The following FAM210A variants were observed in gnomAD, a reference collection of about 807,000 sequenced individuals.
The protein encoded by FAM210A is mitochondrial inner membrane scaffold 1.
Under a neutral mutation model 25.3 loss-of-function variants are expected in FAM210A, and 13 were observed. That is an observed-to-expected ratio of 0.51 (90% CI 0.33 to 0.82). The LOEUF is 0.82. Among genes scored for constraint, FAM210A ranks in the 40% least tolerant of loss-of-function variants. The probability of loss-of-function intolerance (pLI) is 0.02; values close to 1 mark genes in which losing one functional copy is unlikely to be tolerated. For missense variants in FAM210A, 319 were observed against 323.2 expected (o/e 0.99, Z 0.10); for synonymous variants, 125 against 118.7 (o/e 1.05, Z -0.35).
At chr18:13,715,683 C>A (rs2043856314) in intron 1 of FAM210A, among the ~76,000 whole-genome samples, 1 of 152,130 alleles carries the variant, frequency 6.6e-6, no homozygotes, top group African/African-American at 2.4e-5. Context: ...TATTACACAA[C>A]AAAAAATAAT....
intron 2 of FAM210A, among the ~76,000 whole-genome samples, chr18:13,677,391 C>T (rs1268102746): frequency 6.6e-6 from 1 of 152,166 alleles, no homozygotes; most frequent in East Asian, 1.9e-4. Flanking sequence ...CGCTTAAGGG[C>T]TTACAACTCT....
At chr18:13,680,224 T>C (rs990137915) in intron 2 of FAM210A, among the ~76,000 whole-genome samples, 7 of 152,234 alleles carry the variant, frequency 4.6e-5, no homozygotes, top group Non-Finnish European at 8.8e-5. Flanking sequence ...TAACTTTTGA[T>C]CAAAATGGTA....
intron 1 of FAM210A, among the ~76,000 whole-genome samples, chr18:13,687,079 T>G (rs2043604356): frequency 6.6e-6 from 1 of 152,250 alleles, no homozygotes; most frequent in South Asian, 2.1e-4. Context: ...CAGTGGGATT[T>G]AATCCAGATA....
In FAM210A at chr18:13,666,239, T is replaced by A. The variant is rs1450887631; in HGVS notation, c.*241A>T. 4.4e-6 allele frequency: 2 copies of A among 458,770 alleles called. No homozygotes were observed. The highest frequency in any genetic ancestry group is 3.7e-5 in the Admixed American group (1 of 27,156). 28.4% of individuals were successfully genotyped at this position (458,770 alleles called of 1,614,324 possible). A position where few individuals can be genotyped will look rare whatever the true frequency, so the allele number is the denominator to read the frequency against. ...AAAAGAAGTCTGACTTCTAAGACATTAACCACTGCTTAATACTGCTACTGA... is the reference window on the plus strand; with the variant it reads ...AAAAGAAGTCTGACTTCTAAGACATAAACCACTGCTTAATACTGCTACTGA... On this transcript the variant is annotated 3_prime_UTR_variant, in exon 4 of 4. Transcript: ENST00000651643.
chr18:13,682,116 A>C lies in FAM210A; in HGVS notation c.-28-11T>G. On this transcript the variant is annotated splice_polypyrimidine_tract_variant and intron_variant, in intron 1 of 3. Coordinates refer to ENST00000651643, the MANE Select transcript of FAM210A (RefSeq NM_152352.4). ...GATAGGTTTCAGCTTCTACAAAGAC[A>C]ATTTTTCAAAAAAATTAGGTAATAC... is the stretch of plus-strand genomic sequence containing the variant. The C allele has an allele frequency of 6.6e-7, 1 of 1,507,242 alleles. No individual in the cohort carries two copies. The highest frequency in any genetic ancestry group is 1.4e-5 in the African/African-American group (1 of 71,508). The allele number at this position is 1,507,242 out of a possible 1,614,324, so 93.4% of individuals were successfully genotyped here.
intron 1 of FAM210A, among the ~76,000 whole-genome samples, chr18:13,686,511 A>T (rs1424069017): frequency 6.6e-6 from 1 of 152,120 alleles, no homozygotes; most frequent in African/African-American, 2.4e-5. Flanking sequence ...AAATCCACTT[A>T]CTTATAACTG....
intron 2 of FAM210A, among the ~76,000 whole-genome samples, chr18:13,676,963 C>T (rs1186608177): frequency 1.3e-5 from 2 of 152,146 alleles, no homozygotes; most frequent in Non-Finnish European, 2.9e-5. Flanking sequence ...GACAAAACCC[C>T]GCAGACACTG....
intron 1 of FAM210A, among the ~76,000 whole-genome samples, chr18:13,706,470 A>G (rs1044265303): frequency 2.0e-5 from 3 of 152,338 alleles, no homozygotes; most frequent in African/African-American, 7.2e-5. Context: ...CGAAGCCCCA[A>G]TGTAGGTAAG....
chr18:13,700,437 C>A (rs2149064911), intron 1 of FAM210A, among the ~76,000 whole-genome samples: 1 of 152,292 alleles, frequency 6.6e-6, no homozygotes, highest in East Asian at 1.9e-4. Flanking sequence ...GACCTTTTAA[C>A]CTAAGAATTG....
intron 1 of FAM210A, among the ~76,000 whole-genome samples, chr18:13,691,785 C>A (rs2043646731): frequency 8.3e-6 from 1 of 120,388 alleles, no homozygotes; most frequent in African/African-American, 3.2e-5. Context: ...CCAGTACCAG[C>A]CACTGCAAAA....
chr18:13,671,820 C>T (rs367724036), intron 3 of FAM210A, 42 bp downstream of exon 3: 3 of 1,292,312 alleles, frequency 2.3e-6, no homozygotes, highest in Non-Finnish European at 2.2e-6. Flanking sequence ...CAGGTCACCA[C>T]CAGTGAGTTC....
At chr18:13,676,292 T>C (rs370311193) in intron 2 of FAM210A, among the ~76,000 whole-genome samples, 1 of 141,880 alleles carries the variant, frequency 7.0e-6, no homozygotes, top group Non-Finnish European at 1.6e-5. Context: ...ATTATTAACA[T>C]TCCTGAGCCC....
Position 13,667,448 on chromosome 18 carries a change from G to C in FAM210A, c.586-735C>G, listed in dbSNP as rs2043409313. Among the ~76,000 whole-genome samples the C allele has an allele frequency of 1.3e-5, 2 of 152,230 alleles. 1 individual carries two copies. The highest frequency in any genetic ancestry group is 4.1e-4 in the South Asian group (2 of 4,832). ...TAAGTCAAAAATCAGGTTGGGTGCAGTGGCTCATGCCTGTAATCCCAGCAC... is the reference window on the plus strand; with the variant it reads ...TAAGTCAAAAATCAGGTTGGGTGCACTGGCTCATGCCTGTAATCCCAGCAC... On this transcript the variant is annotated intron_variant, in intron 3 of 3. Coordinates refer to ENST00000651643, the MANE Select transcript of FAM210A (RefSeq NM_152352.4).
intron 1 of FAM210A, among the ~76,000 whole-genome samples, chr18:13,705,261 T>C (rs1171958075): frequency 6.6e-6 from 1 of 152,196 alleles, no homozygotes; most frequent in Non-Finnish European, 1.5e-5. Context: ...CAGTGCTATG[T>C]ACCTAATTTG....
rs1174110361 is a variant in FAM210A at position 13,665,390 on chromosome 18, A to G, written c.*1090T>C. On this transcript the variant is annotated 3_prime_UTR_variant, in exon 4 of 4. Coordinates refer to ENST00000651643, the MANE Select transcript of FAM210A (RefSeq NM_152352.4). ...GAGGGAGGCTCCGTCTCAAAAAAAA[A>G]AAAAAAAAAAAAAAAAATCAAGTAG... 2 of 150,128 alleles carry G rather than the reference A, an allele frequency of 1.3e-5. No individual in the cohort carries two copies. The highest frequency in any genetic ancestry group is 3.0e-5 in the Non-Finnish European group (2 of 67,362). The allele number at this position is 150,128 out of a possible 1,614,324, so 9.3% of individuals were successfully genotyped here. A position where few individuals can be genotyped will look rare whatever the true frequency, so the allele number is the denominator to read the frequency against.
intron 1 of FAM210A, among the ~76,000 whole-genome samples, chr18:13,712,100 C>T (rs1319997410): frequency 1.3e-5 from 2 of 152,130 alleles, no homozygotes; most frequent in East Asian, 3.8e-4. Context: ...CAAAAGAGAT[C>T]TTAGGTTTCT....
At chr18:13,706,891 T>C (rs1161722349) in intron 1 of FAM210A, among the ~76,000 whole-genome samples, 1 of 152,250 alleles carries the variant, frequency 6.6e-6, no homozygotes, top group Non-Finnish European at 1.5e-5. Flanking sequence ...CAGTAGACTC[T>C]TCATTTAGCT....
intron 1 of FAM210A, among the ~76,000 whole-genome samples, chr18:13,694,653 T>C (rs2149062561): frequency 6.6e-6 from 1 of 152,346 alleles, no homozygotes; most frequent in South Asian, 2.1e-4. Flanking sequence ...CTGGGAAAAC[T>C]GGCTAGCCAT....
chr18:13,679,003 G>C (rs73954894), intron 2 of FAM210A, among the ~76,000 whole-genome samples: 3 of 152,190 alleles, frequency 2.0e-5, no homozygotes, highest in Non-Finnish European at 2.9e-5. Context: ...GCAAGGCTTT[G>C]CCAGATAGGA....
Sources: gnomAD v4.1 joint callset for allele counts (sites outside exome capture counted in the v4.1 genomes callset) on GRCh38, gnomAD v4.1.1 for gene constraint, MANE v1.5 for transcripts, NCBI Gene and HGNC (gene_info 2026-07-23, HGNC 2026-07-21) for gene names.